LRP12: variants seen among roughly 807,000 people sequenced by gnomAD.
LRP12 encodes LDL receptor related protein 12, also known as low-density lipoprotein receptor-related protein 12.
In LRP12, 14 loss-of-function variants were observed where a neutral mutation model predicts 66.0. That is an observed-to-expected ratio of 0.21 (90% CI 0.14 to 0.33). The LOEUF is 0.33. Ranked by LOEUF, LRP12 falls within the 10% of genes least tolerant of loss-of-function variation. LRP12 has a pLI of 1.00. For missense variants in LRP12, 889 were observed against 1,053.4 expected, an observed-to-expected ratio of 0.84 and a Z score of 2.16; for synonymous variants, 357 against 359.1, an observed-to-expected ratio of 0.99 and a Z score of 0.07.
At chr8:104,568,317 T>C (rs1208679978) in intron 1 of LRP12, among the ~76,000 whole-genome samples, 1 of 152,102 alleles carries the variant, frequency 6.6e-6, no homozygotes, top group Non-Finnish European at 1.5e-5. Flanking sequence ...ATAAAACTCT[T>C]AGGGGAATTA....
At chr8:104,512,118 T>C (rs901833144) in intron 2 of LRP12, among the ~76,000 whole-genome samples, 2 of 152,266 alleles carry the variant, frequency 1.3e-5, no homozygotes, top group Non-Finnish European at 1.5e-5. Flanking sequence ...AGAACTTCTT[T>C]TTCTCCTGGC....
intron 1 of LRP12, among the ~76,000 whole-genome samples, chr8:104,587,730 C>G (rs1318123763): frequency 2.0e-5 from 3 of 152,100 alleles, no homozygotes; most frequent in East Asian, 3.8e-4. Flanking sequence ...TTGACTAAAC[C>G]TCACCACCAC....
intron 3 of LRP12, among the ~76,000 whole-genome samples, chr8:104,501,184 A>T (rs1810823041): frequency 6.6e-6 from 1 of 152,146 alleles, no homozygotes; most frequent in African/African-American, 2.4e-5. Context: ...GACATGTCAT[A>T]TCCACCTACA....
At chr8:104,500,887 C>G (rs895941655) in intron 3 of LRP12, among the ~76,000 whole-genome samples, 1 of 152,146 alleles carries the variant, frequency 6.6e-6, no homozygotes, top group African/African-American at 2.4e-5. Context: ...ATTTACAGTT[C>G]TACCAAGTAT....
intron 1 of LRP12, among the ~76,000 whole-genome samples, chr8:104,550,131 G>C (rs149340339): frequency 3.5e-3 from 526 of 152,152 alleles, no homozygotes; most frequent in African/African-American, 0.012. Flanking sequence ...ACTGTAGTCG[G>C]TACTTTTCAT....
intron 1 of LRP12, among the ~76,000 whole-genome samples, chr8:104,547,156 TATC>T: frequency 6.9e-6 from 1 of 144,436 alleles, no homozygotes; most frequent in South Asian, 2.2e-4. Context: ...TTCTATGTTA[TATC>T]ATACTTTGTA....
At chr8:104,565,733 C>T (rs916589206) in intron 1 of LRP12, among the ~76,000 whole-genome samples, 11 of 151,438 alleles carry the variant, frequency 7.3e-5, no homozygotes, top group East Asian at 1.9e-4. Context: ...TGGTGGTGGG[C>T]GCCTGTAGTC....
rs769026523 is a variant in LRP12, at chr8:104,491,040, C to T, written c.2213G>A (p.Arg738His). Reference sequence around the variant, plus strand: ...TCGTCCTAATGTAAAACGTACCCAGCGTAGCCCCTGAGTCATACGACTGAG... The same window carrying T: ...TCGTCCTAATGTAAAACGTACCCAGTGTAGCCCCTGAGTCATACGACTGAG... ...SALSRMTQGL[R>H]WVRFTLGRSS... Residue 738 changes from arginine (R) to histidine (H), a missense_variant, in exon 7 of 7, where the codon CGC (arginine) becomes CAC (histidine). Physicochemically the swap from Arg to His is conservative, Grantham distance 29. Around this residue, in one of 3 missense-constraint regions of LRP12, gnomAD observed 800 missense variants for 964.5 expected, o/e 0.83. Coordinates refer to ENST00000276654, the MANE Select transcript of LRP12 (RefSeq NM_013437.5). 1.5e-5 allele frequency: 24 copies of T among 1,614,020 alleles called. No individual in the cohort carries two copies. In the Admixed American group the frequency reaches 1.5e-4, roughly 10 times the overall value.
intron 1 of LRP12, among the ~76,000 whole-genome samples, chr8:104,535,066 TAC>T (rs1472466737): frequency 6.6e-5 from 10 of 151,780 alleles, no homozygotes; most frequent in Non-Finnish European, 1.5e-5. Context: ...CTTCTTTAAC[TAC>T]ACATTAGCAG....
chr8:104,503,381 G>A (rs1316314974), intron 3 of LRP12, among the ~76,000 whole-genome samples: 1 of 135,526 alleles, frequency 7.4e-6, no homozygotes, highest in Non-Finnish European at 1.6e-5. Flanking sequence ...CAGAAACCTT[G>A]TTTAGAATAA....
At chr8:104,585,414 C>T (rs573396153) in intron 1 of LRP12, among the ~76,000 whole-genome samples, 6 of 152,090 alleles carry the variant, frequency 3.9e-5, no homozygotes, top group African/African-American at 1.4e-4. Flanking sequence ...TTAATAGAGA[C>T]GGGGTTTCGC....
intron 1 of LRP12, among the ~76,000 whole-genome samples, chr8:104,532,672 G>C (rs1811342010): frequency 6.6e-6 from 1 of 152,110 alleles, no homozygotes; most frequent in East Asian, 1.9e-4. Flanking sequence ...AAAAAGCTTA[G>C]AAGGCAAAAG....
At position 104,497,749 on chromosome 8, in the gene LRP12, C is replaced by A; in HGVS notation, c.803G>T (p.Gly268Val). 1 of 1,613,696 alleles carries A rather than the reference C, an allele frequency of 6.2e-7. No homozygotes were observed. Among genetic ancestry groups the A allele is most frequent in the Non-Finnish European group, 8.5e-7 (1 of 1,179,810 alleles). The change falls in exon 5 of 7, where the codon GGT (glycine) becomes GTT (valine). Residue 268 changes from glycine (G) to valine (V), a missense_variant. Transcript: ENST00000276654. This position sits in a 1 kb window ranked among gnomAD's most constrained non-coding sequence, Gnocchi z 4.3. ...TGGATAATTGGGAGAATTAAAAGTA[C>A]CATAAAAATATTTTAGCCATTGCCC... ...TCGQWLKYFY[G>V]TFNSPNYPDF...
chr8:104,557,144 T>C (rs191871353), intron 1 of LRP12, among the ~76,000 whole-genome samples: 4 of 152,260 alleles, frequency 2.6e-5, no homozygotes, highest in East Asian at 1.9e-4. Flanking sequence ...GACAAACCCA[T>C]AGCCAACATT....
intron 1 of LRP12, among the ~76,000 whole-genome samples, chr8:104,557,743 C>A (rs1217164150): frequency 1.3e-5 from 2 of 152,120 alleles, no homozygotes; most frequent in African/African-American, 2.4e-5. Flanking sequence ...ATACCACCAT[C>A]ATTTTTCACA....
rs551341545 is a variant in LRP12 at position 104,547,611 on chromosome 8, TATA to T, written c.80-15651_80-15649del. On this transcript the variant is annotated intron_variant, in intron 1 of 6. Transcript: ENST00000276654. Reference sequence around the variant, plus strand: ...ATATAATATATAATAATTATTAATATATAATATATTAATATATAATAAATATAT... The same window carrying T: ...ATATAATATATAATAATTATTAATATATATATTAATATATAATAAATATAT... Among the ~76,000 whole-genome samples, 850 of 124,352 alleles carry T rather than the reference TATA, an allele frequency of 6.8e-3. 19 individuals are homozygous for T. Among genetic ancestry groups the T allele is most frequent in the African/African-American group, 0.026 (822 of 31,294 alleles). The allele number at this position is 124,352 out of a possible 152,430, so 81.6% of individuals were successfully genotyped here. A position where few individuals can be genotyped will look rare whatever the true frequency, so the allele number is the denominator to read the frequency against.
At chr8:104,505,016 TTTTG>T (rs565340998) in intron 3 of LRP12, 1 of 152,160 alleles carries the variant, frequency 6.6e-6, no homozygotes, top group South Asian at 2.1e-4. Context: ...TTCTATCTCG[TTTTG>T]TTTTTGTTTA....
At chr8:104,520,206 CG>C (rs902090502) in intron 2 of LRP12, among the ~76,000 whole-genome samples, 1 of 151,874 alleles carries the variant, frequency 6.6e-6, no homozygotes, top group Non-Finnish European at 1.5e-5. Context: ...CAATGCATAA[CG>C]TAAGATGAAT....
chr8:104,489,484 A>T lies in LRP12; in HGVS notation c.*1189T>A, dbSNP rs1810582642. ...AATAAATAAACCGCAACTGACAGTA[A>T]AAAAAATATGTTGGGTTTTGCAATT... On this transcript the variant is annotated 3_prime_UTR_variant, in exon 7 of 7. Transcript: ENST00000276654. 1 of 152,404 alleles carries T rather than the reference A, an allele frequency of 6.6e-6. No individual in the cohort carries two copies. The highest frequency in any genetic ancestry group is 1.5e-5 in the Non-Finnish European group (1 of 67,940). The allele number at this position is 152,404 out of a possible 1,614,324, so 9.4% of individuals were successfully genotyped here. A position where few individuals can be genotyped will look rare whatever the true frequency, so the allele number is the denominator to read the frequency against.
Sources: allele counts gnomAD v4.1 joint callset (sites outside exome capture counted in the v4.1 genomes callset), GRCh38; gene constraint gnomAD v4.1.1; regional missense constraint gnomAD v4.1.1; non-coding constraint Gnocchi (gnomAD v3.1); transcripts MANE v1.5; gene names NCBI Gene and HGNC (gene_info 2026-07-23, HGNC 2026-07-21).